DISP3: variants seen among roughly 807,000 people sequenced by gnomAD.
The protein encoded by DISP3 is protein dispatched homolog 3.
Under a neutral mutation model 135.3 loss-of-function variants are expected in DISP3, and 101 were observed. That is an observed-to-expected ratio of 0.75 (90% CI 0.64 to 0.88). The LOEUF (loss-of-function observed/expected upper bound fraction) is 0.88, where lower values mean the gene tolerates loss of function less well. Among genes scored for constraint, DISP3 ranks in the 40% least tolerant of loss-of-function variants. The pLI is 0.00. For synonymous variants in DISP3, 856 were observed against 817.0 expected (o/e 1.05, Z -0.81); for missense variants, 1,713 against 1,878.6 (o/e 0.91, Z 1.63).
At position 11,499,183 on chromosome 1, in the gene DISP3, C is replaced by G. The variant is rs1211262133; in HGVS notation, c.-3-1807C>G. On this transcript the variant is annotated intron_variant, in intron 1 of 20. Transcript: ENST00000294484. This position sits in a 1 kb window ranked among gnomAD's most constrained non-coding sequence, Gnocchi z 5.2. The stretch of plus-strand genomic sequence containing the variant: ...CCTTCAGATCACCCAAGGAGTGTTG[C>G]TGTGACCCAGAATCCTGGCCTTTGA... 1.3e-5 allele frequency among the ~76,000 whole-genome samples: 2 copies of G among 152,166 alleles called. No individual in the cohort carries two copies. Among genetic ancestry groups the G allele is most frequent in the Non-Finnish European group, 2.9e-5 (2 of 68,026 alleles).
In DISP3 at chr1:11,534,801, C is replaced by G. The variant is rs535427892; in HGVS notation, c.3536-210C>G. 7 of 758,672 alleles carry G rather than the reference C, an allele frequency of 9.2e-6. No individual in the cohort carries two copies. In the East Asian group the frequency reaches 1.9e-4, roughly 20 times the overall value. 47.0% of individuals were successfully genotyped at this position (758,672 alleles called of 1,614,324 possible). A position where few individuals can be genotyped will look rare whatever the true frequency, so the allele number is the denominator to read the frequency against. ...TGACCATGATGGCAGCTGCCAGTTA[C>G]CAGCCCCTCCTAGGTGCCTAGGCTC... On this transcript the variant is annotated intron_variant, in intron 18 of 20. Coordinates refer to ENST00000294484, the MANE Select transcript of DISP3 (RefSeq NM_020780.2).
chr1:11,502,424 C>CATACTGCA (rs1466066177), intron 2 of DISP3, among the ~76,000 whole-genome samples: 1 of 151,892 alleles, frequency 6.6e-6, no homozygotes, highest in Non-Finnish European at 1.5e-5. Flanking sequence ...GAAATCTGGC[C>CATACTGCA]ATAGGAAGGC....
chr1:11,501,913 C>T lies in DISP3; in HGVS notation c.921C>T (p.Asp307=). The change falls in exon 2 of 21, where the codon GAC becomes GAT. Residue 307 remains aspartate (D), a synonymous_variant. Coordinates refer to ENST00000294484, the MANE Select transcript of DISP3 (RefSeq NM_020780.2). This position sits in a 1 kb window ranked among gnomAD's most constrained non-coding sequence, Gnocchi z 4.9. ...ATGAGATCGAGCGCAAGATCATGGA[C>T]CACCCAGGCTTCCGGGAGTTCTGCT... ...TIHEIERKIM[D]HPGFREFCWK... 1.2e-6 allele frequency: 2 copies of T among 1,613,512 alleles called. No individual in the cohort carries two copies. The highest frequency in any genetic ancestry group is 1.7e-6 in the Non-Finnish European group (2 of 1,179,832).
rs1642157389 is a variant in DISP3, at chr1:11,520,616, C to A, written c.2201-71C>A. ...AACAACCAGAGCAGTTGTCTCCCGG[C>A]ACTTTGGAGCCCCACTGGGAACAGA... On this transcript the variant is annotated intron_variant, in intron 9 of 20. Transcript: ENST00000294484. The surrounding 1 kb of genome is among the most constrained non-coding windows in gnomAD (Gnocchi z 4.8). The A allele has an allele frequency of 1.3e-6, 2 of 1,534,012 alleles. No homozygotes were observed. The highest frequency in any genetic ancestry group is 1.8e-5 in the Admixed American group (1 of 54,996).
At chr1:11,486,003 G>T in intron 1 of DISP3, among the ~76,000 whole-genome samples, 1 of 152,278 alleles carries the variant, frequency 6.6e-6, no homozygotes, top group South Asian at 2.1e-4. Context: ...CTGGGTAATT[G>T]TGCATAGGGA....
intron 1 of DISP3, among the ~76,000 whole-genome samples, chr1:11,494,601 T>C (rs556350134): frequency 2.0e-5 from 3 of 152,192 alleles, no homozygotes; most frequent in Non-Finnish European, 4.4e-5. Context: ...TCTCTGGAGC[T>C]GTTCAACTCA....
In DISP3 at chr1:11,529,443, A is replaced by G; in HGVS notation, c.2799-113A>G. The stretch of plus-strand genomic sequence containing the variant: ...AATCCCCATGCCGGGGCAGAGCCCG[A>G]GTCCAGACCCCATGACACCCCAGCC... On this transcript the variant is annotated intron_variant, in intron 13 of 20. Transcript: ENST00000294484. The surrounding 1 kb of genome is among the most constrained non-coding windows in gnomAD (Gnocchi z 4.7). 7.9e-7 allele frequency: 1 copy of G among 1,271,666 alleles called. No homozygotes were observed. Among genetic ancestry groups the G allele is most frequent in the Non-Finnish European group, 1.1e-6 (1 of 925,128 alleles). The allele number at this position is 1,271,666 out of a possible 1,614,324, so 78.8% of individuals were successfully genotyped here.
rs1570145913 is a variant in DISP3 at position 11,529,498 on chromosome 1, C to A, written c.2799-58C>A. On this transcript the variant is annotated intron_variant, in intron 13 of 20. Coordinates refer to ENST00000294484, the MANE Select transcript of DISP3 (RefSeq NM_020780.2). The surrounding 1 kb of genome is among the most constrained non-coding windows in gnomAD (Gnocchi z 4.7). ...TCCCAACCCTGGCCTGCTGGCCTCA[C>A]CTCCCCTGACTCCTCCTAGCCTTTC... 4 of 1,515,780 alleles carry A rather than the reference C, an allele frequency of 2.6e-6. No individual in the cohort carries two copies. Among genetic ancestry groups the A allele is most frequent in the Non-Finnish European group, 3.5e-6 (4 of 1,128,950 alleles). 93.9% of individuals were successfully genotyped at this position (1,515,780 alleles called of 1,614,324 possible).
At position 11,519,962 on chromosome 1, in the gene DISP3, GCAGATGCCCCAGGGT is replaced by G; in HGVS notation, c.2200+87_2200+101del. The G allele has an allele frequency of 7.1e-7, 1 of 1,400,634 alleles. No homozygotes were observed. The highest frequency in any genetic ancestry group is 2.0e-5 in the Admixed American group (1 of 51,222). The allele number at this position is 1,400,634 out of a possible 1,614,324, so 86.8% of individuals were successfully genotyped here. A position where few individuals can be genotyped will look rare whatever the true frequency, so the allele number is the denominator to read the frequency against. On this transcript the variant is annotated intron_variant, in intron 9 of 20. Coordinates refer to ENST00000294484, the MANE Select transcript of DISP3 (RefSeq NM_020780.2). The surrounding 1 kb of genome is among the most constrained non-coding windows in gnomAD (Gnocchi z 4.3). ...AGGAACTGGGAGCCCACCCCCTCTC[GCAGATGCCCCAGGGT>G]CAGAGGCCTGGGCTGGGGTCTCTCC...
intron 3 of DISP3, among the ~76,000 whole-genome samples, chr1:11,512,456 G>T (rs1641883090): frequency 1.3e-5 from 2 of 152,168 alleles, no homozygotes; most frequent in South Asian, 4.1e-4. Flanking sequence ...GTAGCAAAAT[G>T]CCACCAGTCT....
intron 1 of DISP3, among the ~76,000 whole-genome samples, chr1:11,482,722 C>A (rs1640934883): frequency 1.3e-5 from 2 of 152,142 alleles, no homozygotes; most frequent in African/African-American, 4.8e-5. Flanking sequence ...CCTCCCCACA[C>A]CCAAATGTGG....
chr1:11,480,118 GA>G lies in DISP3; in HGVS notation c.-4+747del, dbSNP rs1423506077. On this transcript the variant is annotated intron_variant, in intron 1 of 20. Coordinates refer to ENST00000294484, the MANE Select transcript of DISP3 (RefSeq NM_020780.2). ...GGAGAACTTTTCCCAACTCCCTGGG[GA>G]GGCCGGCAGCAGGGCTGGGAAGGCG... Among the ~76,000 whole-genome samples, 9 of 152,304 alleles carry G rather than the reference GA, an allele frequency of 5.9e-5. No homozygotes were observed. The East Asian group carries it at 1.7e-3, about 29-fold the overall frequency.
intron 3 of DISP3, among the ~76,000 whole-genome samples, chr1:11,507,162 C>A (rs1183598022): frequency 6.6e-6 from 1 of 152,128 alleles, no homozygotes; most frequent in East Asian, 1.9e-4. Context: ...GAAAATTTAT[C>A]CTTCACTTCA....
At chr1:11,482,110 G>A (rs1451242479) in intron 1 of DISP3, 1 of 152,222 alleles carries the variant, frequency 6.6e-6, no homozygotes, top group African/African-American at 2.4e-5. Flanking sequence ...TTCTCTGCTA[G>A]TATAGACATA....
chr1:11,484,511 C>T (rs1384209020), intron 1 of DISP3, among the ~76,000 whole-genome samples: 1 of 152,200 alleles, frequency 6.6e-6, no homozygotes, highest in African/African-American at 2.4e-5. Flanking sequence ...CATCCTGGGG[C>T]CATCCCCTGA....
intron 1 of DISP3, among the ~76,000 whole-genome samples, chr1:11,487,492 T>C (rs772510065): frequency 6.6e-6 from 1 of 152,228 alleles, no homozygotes; most frequent in Non-Finnish European, 1.5e-5. Context: ...CTGCCTTCCC[T>C]GCCACCACCT....
chr1:11,502,955 CT>C, intron 3 of DISP3, 58 bp downstream of exon 3: 2 of 1,432,810 alleles, frequency 1.4e-6, no homozygotes, highest in Non-Finnish European at 9.6e-7. Context: ...CCAATTGCCT[CT>C]TACTCTTAAA....
intron 3 of DISP3, among the ~76,000 whole-genome samples, chr1:11,505,672 A>T (rs1480828056): frequency 1.3e-5 from 2 of 152,206 alleles, no homozygotes; most frequent in Non-Finnish European, 2.9e-5. Context: ...GATCACTTTT[A>T]TTGCTTTTAA....
At position 11,501,969 on chromosome 1, in the gene DISP3, C is replaced by T. The variant is rs1474514775; in HGVS notation, c.977C>T (p.Pro326Leu). Residue 326 changes from proline (P) to leucine (L), a missense_variant, in exon 2 of 21, where the codon CCG (proline) becomes CTG (leucine). Transcript: ENST00000294484. This position sits in a 1 kb window ranked among gnomAD's most constrained non-coding sequence, Gnocchi z 4.9. ...CCCCACGAGGTGCTCAAGGATCTGC[C>T]GCTGGGCTCCTACTCCTACTGCTCG... ...WKPHEVLKDL[P>L]LGSYSYCSPP... 3 of 1,613,864 alleles carry T rather than the reference C, an allele frequency of 1.9e-6. No homozygotes were observed. The highest frequency in any genetic ancestry group is 1.7e-5 in the Admixed American group (1 of 60,020).
Sources: gnomAD v4.1 joint callset for allele counts (sites outside exome capture counted in the v4.1 genomes callset) on GRCh38, gnomAD v4.1.1 for gene constraint, Gnocchi (gnomAD v3.1) non-coding constraint, MANE v1.5 for transcripts, NCBI Gene and HGNC (gene_info 2026-07-23, HGNC 2026-07-21) for gene names.